Variants in TBC1D2 observed in about 807,000 individuals in gnomAD.
The protein encoded by TBC1D2 is TBC1 domain family member 2.
A neutral mutation model predicts 91.1 loss-of-function variants in TBC1D2; 58 were observed. The observed-to-expected ratio is 0.64, with a 90% CI of 0.52 to 0.79. TBC1D2 has a LOEUF of 0.79. Ranked by LOEUF, TBC1D2 falls within the 30% of genes least tolerant of loss-of-function variation. The pLI is 0.00. For synonymous variants in TBC1D2, 482 were observed against 511.5 expected (o/e 0.94, Z 0.78); for missense variants, 1,080 against 1,208.3 (o/e 0.89, Z 1.57).
chr9:98,235,204 A>C (rs76153846), intron 3 of TBC1D2: 1 of 196,014 alleles, frequency 5.1e-6, no homozygotes, highest in African/African-American at 2.4e-5. Context: ...ACTCCATTTC[A>C]AAAAAAAAAA....
chr9:98,227,450 A>C (rs567042546), intron 5 of TBC1D2, among the ~76,000 whole-genome samples: 1 of 152,332 alleles, frequency 6.6e-6, no homozygotes, highest in Admixed American at 6.5e-5. Flanking sequence ...TCTAATCACC[A>C]GTTGCTTCAC....
Position 98,208,736 on chromosome 9 carries a change from C to G in TBC1D2, c.2082G>C (p.Lys694Asn). 6.4e-7 allele frequency: 1 copy of G among 1,560,598 alleles called. No homozygotes were observed. Among genetic ancestry groups the G allele is most frequent in the Non-Finnish European group, 8.7e-7 (1 of 1,149,112 alleles). The stretch of plus-strand genomic sequence containing the variant: ...AGAAGGCCAGCAGCACCCGGCGGAG[C>G]TTGTCGGGGAAGCTGGAGGTGGGGC... Reference protein sequence around the residue: ...FTCPTSSFPDKLRRVLLAFSW... With the variant: ...FTCPTSSFPDNLRRVLLAFSW... Residue 694 changes from lysine to asparagine, a missense_variant, in exon 9 of 13, where the codon AAG (lysine) becomes AAC (asparagine). Transcript: ENST00000465784.
In TBC1D2 at chr9:98,208,897, G is replaced by A. The variant is rs150484827; in HGVS notation, c.1921C>T (p.Leu641Phe). 1.2e-6 allele frequency: 2 copies of A among 1,614,160 alleles called. No individual in the cohort carries two copies. Among genetic ancestry groups the A allele is most frequent in the Non-Finnish European group, 1.7e-6 (2 of 1,180,004 alleles). Residue 641 changes from leucine (L) to phenylalanine (F), a missense_variant, in exon 9 of 13, where the codon CTC becomes TTC. By Grantham distance (22) the Leu-to-Phe change is conservative (BLOSUM62 0). Coordinates refer to ENST00000465784, the MANE Select transcript of TBC1D2 (RefSeq NM_001267571.2). ...GGAGTGTGCAGGTGCTGGACACGGAGGTGGACCAGCCACCTCCAGACACGA... is the reference window on the plus strand; with the variant it reads ...GGAGTGTGCAGGTGCTGGACACGGAAGTGGACCAGCCACCTCCAGACACGA... ...RPRVWRWLVH[L>F]RVQHLHTPGC...
intron 3 of TBC1D2, chr9:98,235,080 T>C: frequency 4.7e-6 from 1 of 213,110 alleles, no homozygotes; most frequent in East Asian, 1.2e-4. Context: ...GGCGCATGCC[T>C]GTAGTCCCAG....
intron 6 of TBC1D2, among the ~76,000 whole-genome samples, chr9:98,218,283 A>G (rs920060223): frequency 6.6e-6 from 1 of 151,994 alleles, no homozygotes; most frequent in African/African-American, 2.4e-5. Context: ...AAGAAAATTC[A>G]TGGCCAGGTG....
intron 8 of TBC1D2, among the ~76,000 whole-genome samples, chr9:98,210,168 G>C (rs546519251): frequency 6.6e-6 from 1 of 152,164 alleles, no homozygotes; most frequent in Non-Finnish European, 1.5e-5. Flanking sequence ...GGCTCAGAAA[G>C]GTAAAGGGAA....
At chr9:98,213,699 A>G (rs1330376245) in intron 6 of TBC1D2, 1 of 155,668 alleles carries the variant, frequency 6.4e-6, no homozygotes, top group African/African-American at 2.4e-5. Flanking sequence ...ACTTTGTAAA[A>G]CCTTTCAATG....
intron 3 of TBC1D2, among the ~76,000 whole-genome samples, chr9:98,239,559 T>C (rs961858978): frequency 4.6e-5 from 7 of 152,264 alleles, no homozygotes; most frequent in Non-Finnish European, 1.0e-4. Flanking sequence ...TATATGCTGC[T>C]GAATTCAGTT....
In TBC1D2 at chr9:98,199,535, A is replaced by C. The variant is rs558487783; in HGVS notation, c.2633T>G (p.Leu878Arg). Residue 878 changes from leucine (L) to arginine (R), a missense_variant, in exon 13 of 13, where the codon CTG becomes CGG. By Grantham distance (102) the Leu-to-Arg change is moderately radical (BLOSUM62 -2). Coordinates refer to ENST00000465784, the MANE Select transcript of TBC1D2 (RefSeq NM_001267571.2). The stretch of plus-strand genomic sequence containing the variant: ...CCGGTGGACCATGCGCAGCTGCCGC[A>C]GCTGTTTCATGCGGAAGGGGTTCAT... ...NDMNPFRMKQ[L>R]RQLRMVHRER... is the part of the protein sequence containing the mutation. 133 of 1,614,170 alleles carry C rather than the reference A, an allele frequency of 8.2e-5. No individual in the cohort carries two copies. In the South Asian group the frequency reaches 1.4e-3, roughly 17 times the overall value.
At chr9:98,207,361 C>T (rs752448506) in intron 9 of TBC1D2, among the ~76,000 whole-genome samples, 2 of 152,284 alleles carry the variant, frequency 1.3e-5, no homozygotes, top group South Asian at 4.1e-4. Context: ...TAAATTAAAT[C>T]GAGTGAAAAC....
intron 7 of TBC1D2, 38 bp downstream of exon 7, chr9:98,213,070 A>G (rs1370312026): frequency 6.2e-7 from 1 of 1,610,018 alleles, no homozygotes; most frequent in Admixed American, 1.7e-5. Context: ...CAGAGGGGCC[A>G]GGGATGGAGA....
At chr9:98,249,302 T>G (rs947803452) in intron 2 of TBC1D2, among the ~76,000 whole-genome samples, 1 of 152,088 alleles carries the variant, frequency 6.6e-6, no homozygotes, top group Non-Finnish European at 1.5e-5. Flanking sequence ...TCACAGCAAC[T>G]CCACCCCTTT....
chr9:98,237,270 TG>T (rs894146401), intron 3 of TBC1D2, among the ~76,000 whole-genome samples: 5 of 147,892 alleles, frequency 3.4e-5, no homozygotes, highest in African/African-American at 1.3e-4. Context: ...TCACTTGAAC[TG>T]GGAAGGCAGA....
chr9:98,233,534 G>A lies in TBC1D2; in HGVS notation c.663C>T (p.Asn221=), dbSNP rs772069790. 10 of 1,614,180 alleles carry A rather than the reference G, an allele frequency of 6.2e-6. No individual in the cohort carries two copies. In the South Asian group the frequency reaches 7.7e-5, roughly 12 times the overall value. The change falls in exon 4 of 13, where the codon AAC becomes AAT. Residue 221 remains asparagine (N), a synonymous_variant. Transcript: ENST00000465784. The part of the protein sequence containing the change: ...LGTEIQNTMH[N]IRGNKQAQGT... The stretch of plus-strand genomic sequence containing the variant: ...CCTGGGCCTGCTTGTTGCCACGGAT[G>A]TTGTGCATTGTGTTCCTGAAAGGAG...
intron 6 of TBC1D2, 78 bp downstream of exon 6, chr9:98,220,755 G>T: frequency 6.4e-7 from 1 of 1,556,644 alleles, no homozygotes; most frequent in Non-Finnish European, 8.7e-7. Flanking sequence ...CAAACCCTTA[G>T]GGGTGGAGAG....
chr9:98,218,908 G>C (rs1202173398), intron 6 of TBC1D2, among the ~76,000 whole-genome samples: 1 of 152,218 alleles, frequency 6.6e-6, no homozygotes, highest in Admixed American at 6.5e-5. Flanking sequence ...CGGCAGTATG[G>C]GTGGAGAGAA....
At chr9:98,230,117 G>A (rs1481553921) in intron 4 of TBC1D2, among the ~76,000 whole-genome samples, 1 of 152,214 alleles carries the variant, frequency 6.6e-6, no homozygotes, top group African/African-American at 2.4e-5. Flanking sequence ...TTAAGGGCCT[G>A]ACTATGTAGC....
chr9:98,208,573 C>A, intron 9 of TBC1D2, 95 bp downstream of exon 9: 1 of 1,318,866 alleles, frequency 7.6e-7, no homozygotes, highest in South Asian at 1.5e-5. Context: ...GGCCCCTTAA[C>A]AGGCCACAGA....
At chr9:98,234,410 C>G (rs764158725) in intron 3 of TBC1D2, among the ~76,000 whole-genome samples, 2 of 152,024 alleles carry the variant, frequency 1.3e-5, no homozygotes, top group African/African-American at 2.4e-5. Context: ...TTTTCCCTTG[C>G]AAAGAGATAA....
Sources: gnomAD v4.1 joint callset for allele counts (sites outside exome capture counted in the v4.1 genomes callset) on GRCh38, gnomAD v4.1.1 for gene constraint, MANE v1.5 for transcripts, NCBI Gene and HGNC (gene_info 2026-07-23, HGNC 2026-07-21) for gene names.